Variants in RERE observed in about 807,000 individuals in gnomAD.
RERE encodes the protein arginine-glutamic acid dipeptide repeats protein.
RERE carries 40 observed loss-of-function variants against 146.1 expected under a neutral mutation model. That is an observed-to-expected ratio of 0.27 (90% CI 0.21 to 0.36). The LOEUF is 0.36. Among genes scored for constraint, RERE ranks in the 10% least tolerant of loss-of-function variants. RERE has a pLI of 1.00. For missense variants in RERE, 1,933 were observed against 2,138.7 expected (o/e 0.90, Z 1.90); for synonymous variants, 1,003 against 866.0 (o/e 1.16, Z -2.78).
chr1:8,657,795 C>T (rs1320918125), intron 1 of RERE, among the ~76,000 whole-genome samples: 3 of 151,860 alleles, frequency 2.0e-5, no homozygotes, highest in South Asian at 2.1e-4. Context: ...TACAGTGAGC[C>T]GAGATCACAC....
At chr1:8,695,587 TAAAAA>T (rs34953565) in intron 1 of RERE, among the ~76,000 whole-genome samples, 3 of 36,728 alleles carry the variant, frequency 8.2e-5, no homozygotes, top group Admixed American at 3.9e-4. Flanking sequence ...CCATTTCTAC[TAAAAA>T]AAAAAAAAAA....
chr1:8,408,474 T>C (rs1323863933), intron 12 of RERE, among the ~76,000 whole-genome samples: 2 of 151,772 alleles, frequency 1.3e-5, no homozygotes, highest in African/African-American at 4.8e-5. Context: ...TTTCAGGGAG[T>C]CAAAAACCCA....
intron 12 of RERE, among the ~76,000 whole-genome samples, chr1:8,389,674 G>T (rs191360946): frequency 7.0e-4 from 106 of 152,304 alleles, no homozygotes; most frequent in Non-Finnish European, 1.0e-3. Flanking sequence ...TTCATGTTGG[G>T]AGGAGAAGTC....
chr1:8,533,308 A>G (rs1345172975), intron 7 of RERE, among the ~76,000 whole-genome samples: 1 of 152,128 alleles, frequency 6.6e-6, no homozygotes, highest in African/African-American at 2.4e-5. Flanking sequence ...AATGAAAGTG[A>G]TATTTTATTT....
chr1:8,579,199 C>T (rs1646333373), intron 4 of RERE, among the ~76,000 whole-genome samples: 1 of 152,192 alleles, frequency 6.6e-6, no homozygotes, highest in African/African-American at 2.4e-5. Context: ...TTCCAGCTCT[C>T]TGCCTACTAC....
intron 10 of RERE, among the ~76,000 whole-genome samples, chr1:8,494,637 G>T (rs968101229): frequency 3.9e-5 from 6 of 152,140 alleles, no homozygotes; most frequent in African/African-American, 1.4e-4. Flanking sequence ...GTAGGAGAAC[G>T]GTGTGAAGCC....
At chr1:8,774,692 A>C (rs971950343) in intron 1 of RERE, among the ~76,000 whole-genome samples, 20 of 145,396 alleles carry the variant, frequency 1.4e-4, no homozygotes, top group African/African-American at 5.0e-4. Context: ...AAGAAATCTA[A>C]CTTATTTCAA....
intron 7 of RERE, chr1:8,512,012 C>CTTTTTTTTTTT (rs1557666425): frequency 5.2e-5 from 3 of 57,368 alleles, no homozygotes; most frequent in South Asian, 6.1e-4. Context: ...GTAGGAAACA[C>CTTTTTTTTTTT]TCTTTTTTTT....
intron 1 of RERE, among the ~76,000 whole-genome samples, chr1:8,696,838 A>C (rs985158735): frequency 1.3e-5 from 2 of 152,196 alleles, no homozygotes; most frequent in Admixed American, 6.5e-5. Flanking sequence ...TGAACCCAGG[A>C]GGCAGAGATT....
At chr1:8,547,797 T>C (rs1645883441) in intron 6 of RERE, among the ~76,000 whole-genome samples, 1 of 152,160 alleles carries the variant, frequency 6.6e-6, no homozygotes, top group Non-Finnish European at 1.5e-5. Flanking sequence ...TGAAGGGAAA[T>C]TTGGTAATAT....
intron 8 of RERE, among the ~76,000 whole-genome samples, chr1:8,501,671 C>G (rs1211284341): frequency 4.1e-5 from 5 of 120,958 alleles, no homozygotes; most frequent in Non-Finnish European, 3.5e-5. Flanking sequence ...GGTGGGGGGT[C>G]AGCCCCCCGC....
At chr1:8,694,976 G>GGC (rs981743428) in intron 1 of RERE, among the ~76,000 whole-genome samples, 4 of 136,858 alleles carry the variant, frequency 2.9e-5, no homozygotes, top group Admixed American at 7.3e-5. Context: ...AATCCTAAGG[G>GGC]GGGGGGGGGA....
At chr1:8,729,413 C>CA (rs1557507738) in intron 1 of RERE, among the ~76,000 whole-genome samples, 2 of 150,416 alleles carry the variant, frequency 1.3e-5, no homozygotes, top group African/African-American at 4.9e-5. Flanking sequence ...TTAGTAGAGA[C>CA]GGGGTTTCAC....
chr1:8,773,910 T>C (rs1481629287), intron 1 of RERE, among the ~76,000 whole-genome samples: 2 of 152,208 alleles, frequency 1.3e-5, no homozygotes, highest in Non-Finnish European at 2.9e-5. Context: ...AGGGGAAATG[T>C]CACAAAAGAA....
At chr1:8,514,138 A>C (rs1429373540) in intron 7 of RERE, among the ~76,000 whole-genome samples, 2 of 152,198 alleles carry the variant, frequency 1.3e-5, no homozygotes, top group East Asian at 3.8e-4. Flanking sequence ...CGAAATTCTA[A>C]TTTTTACTTG....
intron 1 of RERE, among the ~76,000 whole-genome samples, chr1:8,780,053 A>G (rs1641137700): frequency 6.6e-6 from 1 of 152,098 alleles, no homozygotes; most frequent in Non-Finnish European, 1.5e-5. Flanking sequence ...TTAGTCAGGC[A>G]TGGTGTTGTG....
chr1:8,494,034 G>A (rs1459056633), intron 10 of RERE, among the ~76,000 whole-genome samples: 1 of 152,202 alleles, frequency 6.6e-6, no homozygotes, highest in Non-Finnish European at 1.5e-5. Flanking sequence ...ACTGGTTTCA[G>A]TAATCATATT....
chr1:8,405,818 T>C (rs1365590224), intron 12 of RERE, among the ~76,000 whole-genome samples: 2 of 152,088 alleles, frequency 1.3e-5, no homozygotes, highest in Non-Finnish European at 2.9e-5. Context: ...TTTGTATTTT[T>C]AGTAGAGAGA....
At chr1:8,598,999 G>A (rs1363092986) in intron 4 of RERE, among the ~76,000 whole-genome samples, 1 of 152,210 alleles carries the variant, frequency 6.6e-6, no homozygotes, top group East Asian at 1.9e-4. Flanking sequence ...GACTGCAATT[G>A]TGCTGTTCCA....
Sources: allele counts gnomAD v4.1 joint callset (sites outside exome capture counted in the v4.1 genomes callset), GRCh38; gene constraint gnomAD v4.1.1; transcripts MANE v1.5; gene names NCBI Gene and HGNC (gene_info 2026-07-23, HGNC 2026-07-21).